SYT1: variants seen among roughly 807,000 people sequenced by gnomAD.
The protein encoded by SYT1 is synaptotagmin 1.
SYT1 carries 8 observed loss-of-function variants against 44.8 expected under a neutral mutation model. The ratio of observed to expected loss-of-function variants is 0.18; its 90% CI spans 0.10 to 0.32. The LOEUF (loss-of-function observed/expected upper bound fraction) is 0.32, where lower values mean the gene tolerates loss of function less well. Ranked by LOEUF, SYT1 falls within the 10% of genes least tolerant of loss-of-function variation. The probability of loss-of-function intolerance (pLI) is 1.00; values close to 1 mark genes in which losing one functional copy is unlikely to be tolerated. For missense variants in SYT1, 286 were observed against 509.3 expected (o/e 0.56, Z 4.22); for synonymous variants, 154 against 188.8 (o/e 0.82, Z 1.51).
chr12:79,004,603 A>T (rs759670254), intron 2 of SYT1, among the ~76,000 whole-genome samples: 3 of 152,006 alleles, frequency 2.0e-5, no homozygotes, highest in Non-Finnish European at 4.4e-5. Flanking sequence ...TGGATATTTT[A>T]TTAGTACAGT....
At chr12:78,886,668 C>T (rs1874769348) in intron 1 of SYT1, among the ~76,000 whole-genome samples, 1 of 151,974 alleles carries the variant, frequency 6.6e-6, no homozygotes, top group Admixed American at 6.6e-5. Flanking sequence ...GATGAGCATT[C>T]AGCCACATTT....
intron 9 of SYT1, among the ~76,000 whole-genome samples, chr12:79,364,815 C>T (rs944595209): frequency 6.6e-6 from 1 of 152,118 alleles, no homozygotes; most frequent in African/African-American, 2.4e-5. Context: ...TGATAGTGCA[C>T]TTGCAGAATT....
At chr12:78,887,937 C>A (rs17045869) in intron 1 of SYT1, among the ~76,000 whole-genome samples, 12,519 of 151,564 alleles carry the variant, frequency 0.083, 611 homozygotes, top group African/African-American at 0.13. Flanking sequence ...TAATTAAAAC[C>A]AACTAACTGA....
chr12:78,897,745 G>T (rs1348765455), intron 1 of SYT1, among the ~76,000 whole-genome samples: 6 of 151,980 alleles, frequency 3.9e-5, no homozygotes, highest in Non-Finnish European at 5.9e-5. Flanking sequence ...AGTTTGTACT[G>T]GTAATTTAAA....
chr12:79,423,790 T>A (rs1376512672), intron 9 of SYT1, among the ~76,000 whole-genome samples: 1 of 151,716 alleles, frequency 6.6e-6, no homozygotes, highest in Admixed American at 6.6e-5. Flanking sequence ...CTCTCCTAAA[T>A]ATGCCGAACA....
At chr12:79,075,344 T>TC (rs1289609128) in intron 3 of SYT1, among the ~76,000 whole-genome samples, 6 of 152,284 alleles carry the variant, frequency 3.9e-5, no homozygotes, top group African/African-American at 1.4e-4. Context: ...TCTCTCTCTC[T>TC]TTTTTGTGCT....
chr12:79,019,021 T>G (rs1872000758), intron 2 of SYT1, among the ~76,000 whole-genome samples: 1 of 152,056 alleles, frequency 6.6e-6, no homozygotes, highest in Admixed American at 6.6e-5. Flanking sequence ...AAATTCCTAT[T>G]GAAAGTAGTA....
chr12:79,348,093 T>C (rs939636318), intron 8 of SYT1, among the ~76,000 whole-genome samples: 1 of 152,088 alleles, frequency 6.6e-6, no homozygotes, highest in African/African-American at 2.4e-5. Context: ...AGGGGGCAGA[T>C]CATATCAGGC....
At chr12:79,040,440 C>A (rs1208551833) in intron 2 of SYT1, among the ~76,000 whole-genome samples, 1 of 152,142 alleles carries the variant, frequency 6.6e-6, no homozygotes, top group Non-Finnish European at 1.5e-5. Flanking sequence ...AGTGTCTGTT[C>A]ATGTCCTTCA....
At chr12:79,036,429 A>T (rs1332010963) in intron 2 of SYT1, 1 of 151,848 alleles carries the variant, frequency 6.6e-6, no homozygotes, top group East Asian at 1.9e-4. Context: ...TTCCTCTACA[A>T]TGAGTAGTCT....
intron 9 of SYT1, among the ~76,000 whole-genome samples, chr12:79,430,020 A>G (rs1869685063): frequency 6.6e-6 from 1 of 152,148 alleles, no homozygotes; most frequent in Non-Finnish European, 1.5e-5. Context: ...AGTAAGTTCA[A>G]AGGAAGACAG....
chr12:79,187,204 C>T (rs1277953802), intron 3 of SYT1, among the ~76,000 whole-genome samples: 1 of 151,908 alleles, frequency 6.6e-6, no homozygotes, highest in Admixed American at 6.6e-5. Context: ...TGGCAATACA[C>T]CAGCGAAGAA....
chr12:79,084,059 CT>C (rs1261875036), intron 3 of SYT1, among the ~76,000 whole-genome samples: 1 of 152,086 alleles, frequency 6.6e-6, no homozygotes, highest in East Asian at 1.9e-4. Flanking sequence ...TGTTGGTGTG[CT>C]TTGAGATCAG....
chr12:79,396,721 T>G (rs1045857109), intron 9 of SYT1, among the ~76,000 whole-genome samples: 2 of 152,216 alleles, frequency 1.3e-5, no homozygotes, highest in African/African-American at 4.8e-5. Flanking sequence ...GATATTTTTC[T>G]GACAGTGTGT....
intron 1 of SYT1, among the ~76,000 whole-genome samples, chr12:78,893,731 T>C (rs1875181272): frequency 6.6e-6 from 1 of 151,780 alleles, no homozygotes; most frequent in African/African-American, 2.4e-5. Flanking sequence ...CTAGAATTTA[T>C]CTCATGTTTT....
At chr12:78,905,238 C>A (rs1875902857) in intron 1 of SYT1, among the ~76,000 whole-genome samples, 2 of 152,162 alleles carry the variant, frequency 1.3e-5, no homozygotes. Context: ...GGGGCCAGCC[C>A]ATAGTTCCTT....
At chr12:79,233,571 G>A (rs570301091) in intron 4 of SYT1, among the ~76,000 whole-genome samples, 2 of 152,168 alleles carry the variant, frequency 1.3e-5, no homozygotes, top group Non-Finnish European at 2.9e-5. Context: ...CACGTGGCCT[G>A]GACAGCCATC....
intron 1 of SYT1, among the ~76,000 whole-genome samples, chr12:78,953,557 T>C (rs1015067913): frequency 6.6e-6 from 1 of 152,210 alleles, no homozygotes. Flanking sequence ...TATTATTGTC[T>C]TGAAAACTCA....
intron 4 of SYT1, among the ~76,000 whole-genome samples, chr12:79,236,396 C>T (rs113953807): frequency 5.3e-5 from 8 of 152,284 alleles, no homozygotes; most frequent in African/African-American, 1.7e-4. Context: ...TCTACAGATA[C>T]GTGCTTCCAT....
Sources: allele counts gnomAD v4.1 joint callset (sites outside exome capture counted in the v4.1 genomes callset), GRCh38; gene constraint gnomAD v4.1.1; transcripts MANE v1.5; gene names NCBI Gene and HGNC (gene_info 2026-07-23, HGNC 2026-07-21).